GPHN: variants seen among roughly 807,000 people sequenced by gnomAD.
GPHN encodes the protein gephyrin.
In GPHN, 17 loss-of-function variants were observed where a neutral mutation model predicts 95.5. The observed-to-expected ratio is 0.18, with a 90% CI of 0.12 to 0.27. The LOEUF (loss-of-function observed/expected upper bound fraction) is 0.27, where lower values mean the gene tolerates loss of function less well. GPHN is among the 10% of genes least tolerant of loss of function. The pLI, the probability that GPHN is intolerant of heterozygous loss-of-function variation, is 1.00. For missense variants in GPHN, 660 were observed against 978.1 expected, an observed-to-expected ratio of 0.67 and a Z score of 4.34; for synonymous variants, 320 against 322.5, an observed-to-expected ratio of 0.99 and a Z score of 0.08.
At chr14:66,621,580 A>C (rs140398809) in intron 1 of GPHN, among the ~76,000 whole-genome samples, 8,813 of 148,854 alleles carry the variant, frequency 0.059, 353 homozygotes, top group Middle Eastern at 0.098. Flanking sequence ...ACCCGCCACC[A>C]TGCCCAGCTA....
At chr14:67,652,838 G>A in the GPHN span, among the ~76,000 whole-genome samples, 1 of 152,010 alleles carries the variant, frequency 6.6e-6, no homozygotes, top group Non-Finnish European at 1.5e-5. Context: ...TTGTCCCCCA[G>A]GCTAGAGTGC....
intron 2 of GPHN, among the ~76,000 whole-genome samples, chr14:66,759,515 G>A (rs55901762): frequency 0.31 from 47,396 of 152,104 alleles, 11,224 homozygotes; most frequent in African/African-American, 0.64. Flanking sequence ...TACTGTTGTT[G>A]GTTTAAAGTC....
the GPHN span, among the ~76,000 whole-genome samples, chr14:67,388,537 C>T: frequency 3.3e-5 from 5 of 152,218 alleles, no homozygotes; most frequent in Admixed American, 2.0e-4. Context: ...TACCAAGTCT[C>T]ACAGACTTGC....
At chr14:66,839,370 G>A (rs1029768268) in intron 4 of GPHN, among the ~76,000 whole-genome samples, 2 of 152,144 alleles carry the variant, frequency 1.3e-5, no homozygotes, top group African/African-American at 4.8e-5. Flanking sequence ...TAATTTAAGT[G>A]TCTTACCCCT....
At chr14:67,729,997 T>C in the GPHN span, among the ~76,000 whole-genome samples, 2 of 152,218 alleles carry the variant, frequency 1.3e-5, no homozygotes, top group Non-Finnish European at 2.9e-5. Context: ...CAGTGCAGTA[T>C]TTATTCCGTG....
intron 10 of GPHN, among the ~76,000 whole-genome samples, chr14:67,048,594 A>G (rs117974822): frequency 0.012 from 1,863 of 152,344 alleles, 20 homozygotes; most frequent in Non-Finnish European, 0.018. Flanking sequence ...TCAGACAGCT[A>G]TAGTGGGGAA....
At chr14:66,653,384 A>G (rs1284823803) in intron 1 of GPHN, among the ~76,000 whole-genome samples, 1 of 152,146 alleles carries the variant, frequency 6.6e-6, no homozygotes, top group Non-Finnish European at 1.5e-5. Flanking sequence ...AACTTTTTAG[A>G]TAGTTGTAGA....
chr14:66,761,654 C>T (rs1288098615), intron 2 of GPHN, among the ~76,000 whole-genome samples: 4 of 150,628 alleles, frequency 2.7e-5, no homozygotes, highest in Admixed American at 6.6e-5. Flanking sequence ...GAGAAATACT[C>T]AGTTCTTTTT....
chr14:67,159,032 A>G (rs2081799420), intron 18 of GPHN, among the ~76,000 whole-genome samples: 1 of 152,256 alleles, frequency 6.6e-6, no homozygotes, highest in African/African-American at 2.4e-5. Context: ...TTCTTCAGAC[A>G]TAAAATTCTA....
the GPHN span, among the ~76,000 whole-genome samples, chr14:67,341,355 C>G: frequency 6.6e-6 from 1 of 151,674 alleles, no homozygotes; most frequent in Non-Finnish European, 1.5e-5. Context: ...ACCCTCCACC[C>G]GGCAGCCGCC....
the GPHN span, among the ~76,000 whole-genome samples, chr14:67,388,009 G>A: frequency 1.3e-5 from 2 of 152,220 alleles, no homozygotes; most frequent in African/African-American, 4.8e-5. Context: ...TGAGGGGAAA[G>A]ATTATTAACA....
chr14:66,990,078 C>G (rs1320577289), intron 9 of GPHN, among the ~76,000 whole-genome samples: 1 of 152,086 alleles, frequency 6.6e-6, no homozygotes, highest in Admixed American at 6.6e-5. Context: ...AGGAAACTTA[C>G]AATCATGGCG....
chr14:67,300,485 G>A, the GPHN span, among the ~76,000 whole-genome samples: 2 of 152,050 alleles, frequency 1.3e-5, no homozygotes, highest in Admixed American at 6.6e-5. Context: ...ACGCCACCAC[G>A]CCTGGCTAAT....
chr14:66,623,245 T>C lies in GPHN; in HGVS notation c.65-57862T>C, dbSNP rs577678720. ...CAGATTTCATGAGACTCATTCACTA[T>C]AATGAGGACAGCACACGAAAGACCC... On this transcript the variant is annotated intron_variant, in intron 1 of 22. Coordinates refer to ENST00000478722, the MANE Select transcript of GPHN (RefSeq NM_020806.5). Among the ~76,000 whole-genome samples the C allele has an allele frequency of 2.6e-5, 4 of 152,138 alleles. No individual in the cohort carries two copies. In the East Asian group the frequency reaches 7.7e-4, roughly 29 times the overall value.
At chr14:67,451,668 A>C in the GPHN span, among the ~76,000 whole-genome samples, 1 of 152,092 alleles carries the variant, frequency 6.6e-6, no homozygotes, top group Admixed American at 6.5e-5. Flanking sequence ...CTGTACCCCC[A>C]TTGTATCTAG....
intron 11 of GPHN, among the ~76,000 whole-genome samples, chr14:67,076,084 A>G (rs1445358152): frequency 6.6e-6 from 1 of 152,016 alleles, no homozygotes; most frequent in East Asian, 1.9e-4. Flanking sequence ...AGTATAGCAA[A>G]CTTCATTATT....
At chr14:66,652,011 C>T (rs1049668378) in intron 1 of GPHN, among the ~76,000 whole-genome samples, 1 of 152,028 alleles carries the variant, frequency 6.6e-6, no homozygotes, top group African/African-American at 2.4e-5. Context: ...CCCCAGTTCA[C>T]GGAAACATTG....
chr14:67,141,731 T>C (rs984730383), intron 17 of GPHN, among the ~76,000 whole-genome samples: 2 of 152,184 alleles, frequency 1.3e-5, no homozygotes, highest in African/African-American at 4.8e-5. Flanking sequence ...GCTTATCTCT[T>C]ATAGAGTCTG....
the GPHN span, among the ~76,000 whole-genome samples, chr14:67,324,275 A>G: frequency 2.0e-5 from 3 of 152,192 alleles, no homozygotes; most frequent in Admixed American, 6.5e-5. Flanking sequence ...GATCTATGCT[A>G]GATATGGTTG....
Sources: gnomAD v4.1 joint callset for allele counts (sites outside exome capture counted in the v4.1 genomes callset) on GRCh38, gnomAD v4.1.1 for gene constraint, MANE v1.5 for transcripts, NCBI Gene and HGNC (gene_info 2026-07-23, HGNC 2026-07-21) for gene names.